The following OR9Q1 variants were observed in gnomAD, a reference collection of about 807,000 sequenced individuals.
The protein encoded by OR9Q1 is olfactory receptor 9Q1.
For missense variants in OR9Q1, 374 were observed against 378.8 expected (o/e 0.99, Z 0.11); for synonymous variants, 153 against 148.6 (o/e 1.03, Z -0.22).
chr11:58,039,281 G>T (rs772798917), intron 1 of OR9Q1, among the ~76,000 whole-genome samples: 1 of 152,188 alleles, frequency 6.6e-6, no homozygotes, highest in Non-Finnish European at 1.5e-5. Flanking sequence ...GAGCCACTGC[G>T]CCCGGCCTAA....
Position 58,181,122 on chromosome 11 carries a change from T to G in OR9Q1, c.*745T>G, listed in dbSNP as rs1168555252. The G allele has an allele frequency of 1.2e-5, 2 of 167,092 alleles. No homozygotes were observed. Among genetic ancestry groups the G allele is most frequent in the Admixed American group, 6.5e-5 (1 of 15,274 alleles). The allele number at this position is 167,092 out of a possible 1,614,324, so 10.4% of individuals were successfully genotyped here. On this transcript the variant is annotated 3_prime_UTR_variant, in exon 3 of 3. Coordinates refer to ENST00000335397, the MANE Select transcript of OR9Q1 (RefSeq NM_001005212.4). ...CATGTCTGTCAATTGCTATCACCTCTGGATATATGCCCTGTTCTTTTTCTT... is the reference window on the plus strand; with the variant it reads ...CATGTCTGTCAATTGCTATCACCTCGGGATATATGCCCTGTTCTTTTTCTT...
chr11:58,096,796 C>T lies in OR9Q1; in HGVS notation c.-15+40849C>T, dbSNP rs572028165. On this transcript the variant is annotated intron_variant, in intron 2 of 2. Coordinates refer to ENST00000335397, the MANE Select transcript of OR9Q1 (RefSeq NM_001005212.4). Reference sequence around the variant, plus strand: ...TCGGCTCACTACAACCTACATCTTCCGGGTTCAAGCAATTCTCCTGCCTCA... The same window carrying T: ...TCGGCTCACTACAACCTACATCTTCTGGGTTCAAGCAATTCTCCTGCCTCA... 1.1e-3 allele frequency among the ~76,000 whole-genome samples: 172 copies of T among 151,396 alleles called. 1 individual carries two copies. Among genetic ancestry groups the T allele is most frequent in the African/African-American group, 4.0e-3 (165 of 41,294 alleles).
intron 2 of OR9Q1, among the ~76,000 whole-genome samples, chr11:58,065,190 G>T (rs181986267): frequency 1.1e-4 from 16 of 152,282 alleles, no homozygotes; most frequent in East Asian, 9.7e-4. Flanking sequence ...TGCAGAAACA[G>T]TCAGATACAC....
At position 58,160,546 on chromosome 11, in the gene OR9Q1, A is replaced by G. The variant is rs557130080; in HGVS notation, c.-14-18885A>G. ...ATGATCATAGCTCACTGTAACCTCA[A>G]ACTCCTGGGCTCAAGCCATTCTCTT... On this transcript the variant is annotated intron_variant, in intron 2 of 2. Coordinates refer to ENST00000335397, the MANE Select transcript of OR9Q1 (RefSeq NM_001005212.4). Among the ~76,000 whole-genome samples, 15 of 152,120 alleles carry G rather than the reference A, an allele frequency of 9.9e-5. No individual in the cohort carries two copies. The East Asian group carries it at 2.7e-3, about 27-fold the overall frequency.
chr11:58,053,638 A>ATATAAAT (rs1853296225), intron 1 of OR9Q1, among the ~76,000 whole-genome samples: 1 of 144,978 alleles, frequency 6.9e-6, no homozygotes, highest in Admixed American at 7.0e-5. Context: ...AAATATATAT[A>ATATAAAT]TATATAAATT....
chr11:58,142,312 G>T (rs1361638544), intron 2 of OR9Q1, among the ~76,000 whole-genome samples: 1 of 152,050 alleles, frequency 6.6e-6, no homozygotes, highest in Admixed American at 6.6e-5. Flanking sequence ...CTAGAAAAGT[G>T]CCTGCTACAT....
chr11:58,037,690 T>TATATATATATATATATATATAG (rs1232679301), intron 1 of OR9Q1, among the ~76,000 whole-genome samples: 9 of 9,352 alleles, frequency 9.6e-4, no homozygotes, highest in Admixed American at 2.3e-3. Flanking sequence ...TATATATATA[T>TATATATATATATATATATATAG]TTTTTTTTTT....
intron 2 of OR9Q1, among the ~76,000 whole-genome samples, chr11:58,063,222 A>G (rs946449370): frequency 6.6e-6 from 1 of 152,198 alleles, no homozygotes; most frequent in African/African-American, 2.4e-5. Flanking sequence ...AATACTATTT[A>G]TTAGCTATGT....
intron 1 of OR9Q1, among the ~76,000 whole-genome samples, chr11:58,025,409 C>T (rs1852963330): frequency 1.3e-5 from 2 of 152,282 alleles, no homozygotes; most frequent in African/African-American, 4.8e-5. Context: ...ACCGTGTTGG[C>T]CAGGATGGTC....
chr11:58,093,509 G>C (rs549037804), intron 2 of OR9Q1, among the ~76,000 whole-genome samples: 2 of 152,038 alleles, frequency 1.3e-5, no homozygotes, highest in African/African-American at 4.8e-5. Context: ...CTATTAAAAA[G>C]GCACACTTTG....
At chr11:58,081,747 AT>A (rs1285659941) in intron 2 of OR9Q1, among the ~76,000 whole-genome samples, 1 of 139,612 alleles carries the variant, frequency 7.2e-6, no homozygotes, top group Non-Finnish European at 1.5e-5. Flanking sequence ...GATTGCAAAG[AT>A]TTTTTCCCAT....
intron 2 of OR9Q1, among the ~76,000 whole-genome samples, chr11:58,103,746 T>C (rs2120092016): frequency 6.6e-6 from 1 of 152,336 alleles, no homozygotes; most frequent in African/African-American, 2.4e-5. Context: ...GTAGCTTTCA[T>C]AAGGAAAGAA....
chr11:58,032,319 A>T (rs1407711364), intron 1 of OR9Q1, among the ~76,000 whole-genome samples: 3 of 152,138 alleles, frequency 2.0e-5, no homozygotes, highest in Non-Finnish European at 2.9e-5. Context: ...TAAGCAAAAA[A>T]AACCAAAAAA....
intron 2 of OR9Q1, among the ~76,000 whole-genome samples, chr11:58,131,259 T>A (rs185546079): frequency 3.7e-4 from 56 of 152,236 alleles, no homozygotes; most frequent in African/African-American, 1.3e-3. Flanking sequence ...CTGGCCTGTG[T>A]GGAAACCACC....
intron 2 of OR9Q1, among the ~76,000 whole-genome samples, chr11:58,138,881 A>C (rs747815184): frequency 3.9e-5 from 6 of 152,196 alleles, no homozygotes; most frequent in Non-Finnish European, 7.3e-5. Context: ...CTCCTAAGTG[A>C]AAGTTTGTAC....
At position 58,122,917 on chromosome 11, in the gene OR9Q1, T is replaced by TGTGTATGCTAAA. The variant is rs1175706540; in HGVS notation, c.-14-56514_-14-56513insGTGTATGCTAAA. Among the ~76,000 whole-genome samples the TGTGTATGCTAAA allele has an allele frequency of 2.0e-5, 3 of 152,126 alleles. No homozygotes were observed. In the East Asian group the frequency reaches 5.8e-4, roughly 29 times the overall value. Reference sequence around the variant, plus strand: ...GTGACATAAATCTCATTTTTTAGCATACACCGTATTTTTGTGATTTGTTTA... The same window carrying TGTGTATGCTAAA: ...GTGACATAAATCTCATTTTTTAGCATGTGTATGCTAAAACACCGTATTTTTGTGATTTGTTTA... On this transcript the variant is annotated intron_variant, in intron 2 of 2. Transcript: ENST00000335397.
intron 2 of OR9Q1, among the ~76,000 whole-genome samples, chr11:58,062,956 A>G (rs927798149): frequency 3.9e-5 from 6 of 152,170 alleles, no homozygotes; most frequent in African/African-American, 1.4e-4. Context: ...AGTTATGGTT[A>G]TATGAGTTCA....
At chr11:58,146,568 C>A (rs1854301107) in intron 2 of OR9Q1, among the ~76,000 whole-genome samples, 1 of 152,124 alleles carries the variant, frequency 6.6e-6, no homozygotes, top group Admixed American at 6.6e-5. Flanking sequence ...TATAGATAAT[C>A]AACCATTGCA....
At chr11:58,120,218 C>T (rs1274155468) in intron 2 of OR9Q1, among the ~76,000 whole-genome samples, 1 of 152,026 alleles carries the variant, frequency 6.6e-6, no homozygotes, top group Non-Finnish European at 1.5e-5. Flanking sequence ...TGTTCAAACT[C>T]GTGGACTTGC....
Sources: gnomAD v4.1 joint callset for allele counts (sites outside exome capture counted in the v4.1 genomes callset) on GRCh38, gnomAD v4.1.1 for gene constraint, MANE v1.5 for transcripts, NCBI Gene and HGNC (gene_info 2026-07-23, HGNC 2026-07-21) for gene names.